Variants in KLHL24 observed in about 807,000 individuals in gnomAD.
KLHL24 encodes the protein kelch like family member 24.
KLHL24 carries 29 observed loss-of-function variants against 53.4 expected under a neutral mutation model. The observed-to-expected ratio is 0.54, with a 90% CI of 0.40 to 0.74. The LOEUF (loss-of-function observed/expected upper bound fraction) is 0.74, where lower values mean the gene tolerates loss of function less well. Among genes scored for constraint, KLHL24 ranks in the 30% least tolerant of loss-of-function variants. The probability of loss-of-function intolerance (pLI) is 0.00; values close to 1 mark genes in which losing one functional copy is unlikely to be tolerated. For missense variants in KLHL24, 504 were observed against 744.0 expected, an observed-to-expected ratio of 0.68 and a Z score of 3.75; for synonymous variants, 222 against 253.7, an observed-to-expected ratio of 0.88 and a Z score of 1.19.
chr3:183,665,104 C>CT lies in KLHL24; in HGVS notation c.1224+68dup, dbSNP rs1167392558. 3.6e-6 allele frequency: 3 copies of CT among 823,976 alleles called. No homozygotes were observed. In the East Asian group the frequency reaches 7.5e-5, roughly 21 times the overall value. The allele number at this position is 823,976 out of a possible 1,614,324, so 51.0% of individuals were successfully genotyped here. A position where few individuals can be genotyped will look rare whatever the true frequency, so the allele number is the denominator to read the frequency against. Reference sequence around the variant, plus strand: ...TCCAAAGTAAATACCACAGCTGAATCTTTCATTTTACTCACCCTCTGGGTA... The same window carrying CT: ...TCCAAAGTAAATACCACAGCTGAATCTTTTCATTTTACTCACCCTCTGGGTA... On this transcript the variant is annotated intron_variant, in intron 5 of 7. Coordinates refer to ENST00000242810, the MANE Select transcript of KLHL24 (RefSeq NM_017644.3).
rs956562872 is a variant in KLHL24, at chr3:183,664,579, T to TA, written c.1106-332dup. Among the ~76,000 whole-genome samples the TA allele has an allele frequency of 4.6e-3, 686 of 148,622 alleles. 1 individual carries two copies. The highest frequency in any genetic ancestry group is 0.013 in the African/African-American group (540 of 40,586). ...TATGCTTTTTGAAAAATCGGTCAAT[T>TA]AAAAAAAAAACCTTTAGAATAATAC... is the stretch of plus-strand genomic sequence containing the variant. On this transcript the variant is annotated intron_variant, in intron 4 of 7. Coordinates refer to ENST00000242810, the MANE Select transcript of KLHL24 (RefSeq NM_017644.3).
chr3:183,649,160 A>G (rs1046956994), intron 2 of KLHL24, among the ~76,000 whole-genome samples: 3 of 152,206 alleles, frequency 2.0e-5, no homozygotes, highest in African/African-American at 4.8e-5. Context: ...ATTTTTTTAA[A>G]TGAATATTAA....
At position 183,650,521 on chromosome 3, in the gene KLHL24, A is replaced by G. The variant is rs754285898; in HGVS notation, c.165A>G (p.Ile55Met). ...GSSHAENILQ[I>M]FNEFRDSRLF... ...CCCATGCCGAAAACATACTCCAGATATTTAATGAATTTCGTGATAGCCGCT... is the reference window on the plus strand; with the variant it reads ...CCCATGCCGAAAACATACTCCAGATGTTTAATGAATTTCGTGATAGCCGCT... Residue 55 changes from isoleucine (I) to methionine (M), a missense_variant, in exon 3 of 8, where the codon ATA (isoleucine) becomes ATG (methionine). Coordinates refer to ENST00000242810, the MANE Select transcript of KLHL24 (RefSeq NM_017644.3). This position sits in a 1 kb window ranked among gnomAD's most constrained non-coding sequence, Gnocchi z 4.5. 3.1e-6 allele frequency: 5 copies of G among 1,614,032 alleles called. No homozygotes were observed. The highest frequency in any genetic ancestry group is 4.2e-6 in the Non-Finnish European group (5 of 1,180,034).
Position 183,683,003 on chromosome 3 carries a change from G to C in KLHL24, c.*3717G>C, listed in dbSNP as rs1712843652. 6.6e-6 allele frequency: 1 copy of C among 151,462 alleles called. No individual in the cohort carries two copies. The allele number at this position is 151,462 out of a possible 1,614,324, so 9.4% of individuals were successfully genotyped here. A position where few individuals can be genotyped will look rare whatever the true frequency, so the allele number is the denominator to read the frequency against. On this transcript the variant is annotated 3_prime_UTR_variant, in exon 8 of 8. Coordinates refer to ENST00000242810, the MANE Select transcript of KLHL24 (RefSeq NM_017644.3). ...GCTCTGTCGCCCAGGCTGGAGTGCA[G>C]TGGCGCGATCTCAGCTGACTGCAAC... is the stretch of plus-strand genomic sequence containing the variant.
chr3:183,642,063 C>G (rs1449733611), intron 1 of KLHL24, among the ~76,000 whole-genome samples: 1 of 152,154 alleles, frequency 6.6e-6, no homozygotes, highest in African/African-American at 2.4e-5. Flanking sequence ...TAGTACCAAT[C>G]TTGGAGTTCT....
intron 3 of KLHL24, among the ~76,000 whole-genome samples, chr3:183,651,715 G>A (rs1179425396): frequency 6.6e-6 from 1 of 152,148 alleles, no homozygotes; most frequent in Non-Finnish European, 1.5e-5. Flanking sequence ...AGTACTTTGG[G>A]AGGCCAAGGT....
In KLHL24 at chr3:183,683,137, G is replaced by C. The variant is rs1343649078; in HGVS notation, c.*3851G>C. 6.6e-6 allele frequency: 1 copy of C among 151,506 alleles called. No homozygotes were observed. The highest frequency in any genetic ancestry group is 1.5e-5 in the Non-Finnish European group (1 of 68,060). The allele number at this position is 151,506 out of a possible 1,614,324, so 9.4% of individuals were successfully genotyped here. A position where few individuals can be genotyped will look rare whatever the true frequency, so the allele number is the denominator to read the frequency against. On this transcript the variant is annotated 3_prime_UTR_variant, in exon 8 of 8. Coordinates refer to ENST00000242810, the MANE Select transcript of KLHL24 (RefSeq NM_017644.3). ...TTTTTTGTATTTTTAGTAGAGACGG[G>C]GTTTAGTAGAGACGGATCACTCCTG...
chr3:183,646,186 A>AC (rs35931021), intron 2 of KLHL24, among the ~76,000 whole-genome samples: 50,394 of 150,762 alleles, frequency 0.33, 9,280 homozygotes, highest in African/African-American at 0.49. Context: ...ACATGGTGAA[A>AC]CCCCGTCTCT....
intron 7 of KLHL24, among the ~76,000 whole-genome samples, chr3:183,676,075 T>C (rs895604439): frequency 2.6e-5 from 4 of 152,184 alleles, no homozygotes; most frequent in African/African-American, 9.7e-5. Context: ...GAAGTTCAAA[T>C]CTAGTACTGG....
chr3:183,639,640 A>C, intron 1 of KLHL24, among the ~76,000 whole-genome samples: 1 of 146,346 alleles, frequency 6.8e-6, no homozygotes, highest in South Asian at 2.2e-4. Flanking sequence ...AAAAAAAAAA[A>C]AAAAAAAAAA....
intron 2 of KLHL24, among the ~76,000 whole-genome samples, chr3:183,649,144 C>T (rs1323355811): frequency 6.6e-6 from 1 of 152,094 alleles, no homozygotes; most frequent in Non-Finnish European, 1.5e-5. Context: ...AGATAACATG[C>T]ATGAAATTTT....
At chr3:183,678,993 TGACTGTGCTAAAGCA>T in intron 7 of KLHL24, 78 bp from the exon 8 acceptor site, 1 of 957,770 alleles carries the variant, frequency 1.0e-6, no homozygotes, top group South Asian at 1.5e-5. Flanking sequence ...CCCTTTTTTT[TGACTGTGCTAAAGCA>T]TTATTTTGCT....
At position 183,639,652 on chromosome 3, in the gene KLHL24, AAT is replaced by A. The variant is rs1379467254; in HGVS notation, c.-124-3827_-124-3826del. ...CTCAAAAAAAAAAAAAAAAAAAAAA[AAT>A]CTCAAATTTGTTCAGGTGGCAGAGC... On this transcript the variant is annotated intron_variant, in intron 1 of 7. Transcript: ENST00000242810. 4.5e-3 allele frequency among the ~76,000 whole-genome samples: 317 copies of A among 70,384 alleles called. 14 individuals carry two copies. Among genetic ancestry groups the A allele is most frequent in the East Asian group, 0.03 (48 of 1,604 alleles). The allele number at this position is 70,384 out of a possible 152,430, so 46.2% of individuals were successfully genotyped here.
chr3:183,646,253 T>C (rs933924793), intron 2 of KLHL24, among the ~76,000 whole-genome samples: 1 of 151,044 alleles, frequency 6.6e-6, no homozygotes, highest in Non-Finnish European at 1.5e-5. Context: ...TCCCACCCGC[T>C]TGGACAGCTG....
At chr3:183,672,520 C>A (rs757520033) in intron 7 of KLHL24, 36 bp downstream of exon 7, 2 of 1,392,082 alleles carry the variant, frequency 1.4e-6, no homozygotes, top group Admixed American at 2.1e-5. Context: ...AAAAATAAAT[C>A]TAAGAGGGAC....
chr3:183,643,438 C>T (rs1716769184), intron 1 of KLHL24, 42 bp from the exon 2 acceptor site: 1 of 152,178 alleles, frequency 6.6e-6, no homozygotes, highest in Non-Finnish European at 1.5e-5. Flanking sequence ...CATGAACTGA[C>T]AACTATCTGA....
In KLHL24 at chr3:183,640,754, C is replaced by T. The variant is rs369848415; in HGVS notation, c.-124-2726C>T. Reference sequence around the variant, plus strand: ...AGCTGGGATTACAGGTGCCCGCCACCACACCCGGCTAATTTTTTTGTATTT... The same window carrying T: ...AGCTGGGATTACAGGTGCCCGCCACTACACCCGGCTAATTTTTTTGTATTT... On this transcript the variant is annotated intron_variant, in intron 1 of 7. Coordinates refer to ENST00000242810, the MANE Select transcript of KLHL24 (RefSeq NM_017644.3). 1.3e-4 allele frequency among the ~76,000 whole-genome samples: 20 copies of T among 152,128 alleles called. 1 individual carries two copies. Among genetic ancestry groups the T allele is most frequent in the Admixed American group, 5.2e-4 (8 of 15,260 alleles).
intron 1 of KLHL24, among the ~76,000 whole-genome samples, chr3:183,638,394 G>A (rs1715729189): frequency 6.6e-6 from 1 of 152,028 alleles, no homozygotes; most frequent in Non-Finnish European, 1.5e-5. Context: ...CAAAGGTCAA[G>A]CCTGTGAAAA....
Position 183,650,347 on chromosome 3 carries a change from T to C in KLHL24, c.-10T>C. On this transcript the variant is annotated 5_prime_UTR_variant, in exon 3 of 8. Coordinates refer to ENST00000242810, the MANE Select transcript of KLHL24 (RefSeq NM_017644.3). The surrounding 1 kb of genome is among the most constrained non-coding windows in gnomAD (Gnocchi z 4.5). ...ATTTCTCAACAATTATATAGTCAACTGATGTAACAATGGTACTAATATTGG... is the reference window on the plus strand; with the variant it reads ...ATTTCTCAACAATTATATAGTCAACCGATGTAACAATGGTACTAATATTGG... 5 of 1,600,324 alleles carry C rather than the reference T, an allele frequency of 3.1e-6. No individual in the cohort carries two copies. The highest frequency in any genetic ancestry group is 4.3e-6 in the Non-Finnish European group (5 of 1,170,126).
Sources: gnomAD v4.1 joint callset for allele counts (sites outside exome capture counted in the v4.1 genomes callset) on GRCh38, gnomAD v4.1.1 for gene constraint, Gnocchi (gnomAD v3.1) non-coding constraint, MANE v1.5 for transcripts, NCBI Gene and HGNC (gene_info 2026-07-23, HGNC 2026-07-21) for gene names.